MGRN1: variants seen among roughly 807,000 people sequenced by gnomAD.
MGRN1 encodes E3 ubiquitin-protein ligase MGRN1.
In MGRN1, 29 loss-of-function variants were observed where a neutral mutation model predicts 69.2. That is an observed-to-expected ratio of 0.42 (90% CI 0.31 to 0.57). MGRN1 has a LOEUF of 0.57. Among genes scored for constraint, MGRN1 ranks in the 20% least tolerant of loss-of-function variants. The pLI is 0.15. For synonymous variants in MGRN1, 470 were observed against 344.2 expected, an observed-to-expected ratio of 1.37 and a Z score of -4.04; for missense variants, 998 against 796.2, an observed-to-expected ratio of 1.25 and a Z score of -3.05.
At chr16:4,627,959 A>G (rs1473722795) in intron 1 of MGRN1, among the ~76,000 whole-genome samples, 1 of 147,900 alleles carries the variant, frequency 6.8e-6, no homozygotes, top group Non-Finnish European at 1.5e-5. Flanking sequence ...GGGCACCTGT[A>G]GTCCCAGCTA....
At chr16:4,685,766 G>C (rs1485630491) in intron 16 of MGRN1, among the ~76,000 whole-genome samples, 3 of 152,240 alleles carry the variant, frequency 2.0e-5, no homozygotes, top group Non-Finnish European at 4.4e-5. Context: ...CTGTGCGTAA[G>C]GCATGAACAC....
rs1389622746 is a variant in MGRN1, at chr16:4,690,138, CCAG to C, written c.*1236_*1238del. The C allele has an allele frequency of 2.0e-5, 3 of 152,348 alleles. No homozygotes were observed. Among genetic ancestry groups the C allele is most frequent in the Admixed American group, 6.5e-5 (1 of 15,282 alleles). The allele number at this position is 152,348 out of a possible 1,614,324, so 9.4% of individuals were successfully genotyped here. On this transcript the variant is annotated 3_prime_UTR_variant, in exon 17 of 17. Coordinates refer to ENST00000262370, the MANE Select transcript of MGRN1 (RefSeq NM_015246.4). ...CAGGACTGGCCCAGGGAGGAGGAAG[CCAG>C]CAGCACACCTGGGGAATGGGGTCCC...
intron 1 of MGRN1, among the ~76,000 whole-genome samples, chr16:4,638,967 C>T (rs1421834199): frequency 1.3e-5 from 2 of 152,166 alleles, no homozygotes; most frequent in Admixed American, 1.3e-4. Context: ...GGCTTACTTC[C>T]CATGGCTGAC....
intron 8 of MGRN1, 55 bp downstream of exon 8, chr16:4,668,367 T>C (rs929221711): frequency 1.9e-6 from 3 of 1,580,314 alleles, no homozygotes; most frequent in Non-Finnish European, 1.7e-6. Flanking sequence ...ACATATACAA[T>C]CACTCACACG....
intron 8 of MGRN1, among the ~76,000 whole-genome samples, chr16:4,670,416 T>C (rs1237910696): frequency 6.6e-6 from 1 of 152,232 alleles, no homozygotes; most frequent in Non-Finnish European, 1.5e-5. Context: ...CTAATTTTTG[T>C]ATTTTTTGTA....
At chr16:4,687,256 C>G (rs528147258) in intron 16 of MGRN1, 1 of 985,294 alleles carries the variant, frequency 1.0e-6, no homozygotes, top group Admixed American at 6.2e-5. Flanking sequence ...GAGTGTTTTA[C>G]AGAAGGCGGC....
In MGRN1 at chr16:4,668,611, CTCACAT is replaced by C. The variant is rs1464888872; in HGVS notation, c.726+300_726+305del. On this transcript the variant is annotated intron_variant, in intron 8 of 16. Coordinates refer to ENST00000262370, the MANE Select transcript of MGRN1 (RefSeq NM_015246.4). ...ACACTCATACACACATACACTCACA[CTCACAT>C]GCAGTCATTCAGATGCACACACTCA... Among the ~76,000 whole-genome samples, 9 of 142,062 alleles carry C rather than the reference CTCACAT, an allele frequency of 6.3e-5. No homozygotes were observed. In the South Asian group the frequency reaches 1.1e-3, roughly 17 times the overall value. The allele number at this position is 142,062 out of a possible 152,430, so 93.2% of individuals were successfully genotyped here. A position where few individuals can be genotyped will look rare whatever the true frequency, so the allele number is the denominator to read the frequency against.
At chr16:4,647,604 G>T (rs935198268) in intron 1 of MGRN1, among the ~76,000 whole-genome samples, 3 of 152,216 alleles carry the variant, frequency 2.0e-5, no homozygotes, top group South Asian at 2.1e-4. Flanking sequence ...GCACATCTCA[G>T]TGCGTGCGGT....
chr16:4,679,419 G>A (rs542809414), intron 11 of MGRN1, among the ~76,000 whole-genome samples: 7 of 152,246 alleles, frequency 4.6e-5, no homozygotes, highest in African/African-American at 1.7e-4. Context: ...GGGAGCCGCC[G>A]TCCTCTCTGC....
intron 1 of MGRN1, among the ~76,000 whole-genome samples, chr16:4,648,175 T>G (rs1256725657): frequency 1.3e-5 from 2 of 152,176 alleles, no homozygotes; most frequent in African/African-American, 4.8e-5. Context: ...TTGAGGACCA[T>G]GTATTCTGAG....
intron 1 of MGRN1, among the ~76,000 whole-genome samples, chr16:4,625,639 T>TCGAGA (rs1445450930): frequency 6.6e-6 from 1 of 152,184 alleles, no homozygotes; most frequent in Admixed American, 6.5e-5. Flanking sequence ...CTCTGTGTTA[T>TCGAGA]GGCTGAGGGA....
At chr16:4,641,896 T>C (rs2078167694) in intron 1 of MGRN1, among the ~76,000 whole-genome samples, 1 of 152,174 alleles carries the variant, frequency 6.6e-6, no homozygotes, top group Admixed American at 6.5e-5. Context: ...TCAAGCCATC[T>C]TGCCCACCTT....
At chr16:4,670,976 CCA>C (rs1307884695) in intron 8 of MGRN1, among the ~76,000 whole-genome samples, 3 of 152,202 alleles carry the variant, frequency 2.0e-5, no homozygotes, top group Admixed American at 6.6e-5. Context: ...GTCTTTGAAA[CCA>C]GAGAGGCTTC....
At chr16:4,684,549 G>GGGCGCCA (rs2079263955) in intron 16 of MGRN1, among the ~76,000 whole-genome samples, 2 of 152,242 alleles carry the variant, frequency 1.3e-5, no homozygotes, top group South Asian at 2.1e-4. Flanking sequence ...AGGACGGCGG[G>GGGCGCCA]GGCGCCAGGC....
At chr16:4,661,357 C>A (rs761069472) in intron 5 of MGRN1, among the ~76,000 whole-genome samples, 1 of 152,230 alleles carries the variant, frequency 6.6e-6, no homozygotes, top group Non-Finnish European at 1.5e-5. Context: ...GGCCACCTTT[C>A]GCACCCTTTT....
At chr16:4,635,797 G>A (rs1898255838) in intron 1 of MGRN1, among the ~76,000 whole-genome samples, 1 of 143,670 alleles carries the variant, frequency 7.0e-6, no homozygotes, top group Admixed American at 6.9e-5. Flanking sequence ...ACCACGCCCA[G>A]CTAATTTTTT....
intron 3 of MGRN1, 92 bp downstream of exon 3, chr16:4,652,143 C>T (rs367732958): frequency 2.3e-5 from 30 of 1,290,092 alleles, no homozygotes; most frequent in South Asian, 5.1e-5. Context: ...AAAGGGCAGG[C>T]GGGAGGGGCC....
intron 1 of MGRN1, among the ~76,000 whole-genome samples, chr16:4,647,275 G>C (rs1041616701): frequency 1.9e-4 from 29 of 152,224 alleles, no homozygotes; most frequent in Non-Finnish European, 3.7e-4. Context: ...CTTGAGGTTG[G>C]TCTGAGGCCA....
At chr16:4,668,885 C>G (rs903768268) in intron 8 of MGRN1, among the ~76,000 whole-genome samples, 1 of 152,136 alleles carries the variant, frequency 6.6e-6, no homozygotes, top group Non-Finnish European at 1.5e-5. Context: ...TACACATATA[C>G]ATAGACACAC....
Sources: gnomAD v4.1 joint callset for allele counts (sites outside exome capture counted in the v4.1 genomes callset) on GRCh38, gnomAD v4.1.1 for gene constraint, MANE v1.5 for transcripts, NCBI Gene and HGNC (gene_info 2026-07-23, HGNC 2026-07-21) for gene names.